The following KLHL8 variants were observed in gnomAD, a reference collection of about 807,000 sequenced individuals.
KLHL8 encodes kelch-like protein 8.
KLHL8 carries 38 observed loss-of-function variants against 63.5 expected under a neutral mutation model. The ratio of observed to expected loss-of-function variants is 0.60; its 90% CI spans 0.46 to 0.78. The LOEUF (loss-of-function observed/expected upper bound fraction) is 0.78, where lower values mean the gene tolerates loss of function less well. KLHL8 is among the 30% of genes least tolerant of loss of function. The pLI, the probability that KLHL8 is intolerant of heterozygous loss-of-function variation, is 0.00. For missense variants in KLHL8, 566 were observed against 752.4 expected (o/e 0.75, Z 2.90); for synonymous variants, 224 against 254.3 (o/e 0.88, Z 1.13).
intron 6 of KLHL8, 57 bp from the exon 7 acceptor site, chr4:87,170,672 C>A: frequency 1.3e-6 from 2 of 1,483,522 alleles, no homozygotes; most frequent in South Asian, 2.6e-5. Context: ...GAAAAAAAGT[C>A]ATATAAAAAA....
chr4:87,202,848 T>C (rs1034884927), intron 1 of KLHL8, among the ~76,000 whole-genome samples: 4 of 152,088 alleles, frequency 2.6e-5, no homozygotes, highest in African/African-American at 9.7e-5. Flanking sequence ...AAAACAAAGA[T>C]AGTACAGAAA....
chr4:87,207,391 A>G, intron 1 of KLHL8: 1 of 673,254 alleles, frequency 1.5e-6, no homozygotes, highest in South Asian at 1.5e-5. Context: ...TGGTGTTTTC[A>G]CCCCCATGGA....
intron 1 of KLHL8, among the ~76,000 whole-genome samples, chr4:87,231,878 G>A (rs4469030): frequency 0.15 from 23,305 of 152,128 alleles, 2,382 homozygotes; most frequent in East Asian, 0.44. Flanking sequence ...GATTATAGGC[G>A]TGAGCCACCA....
chr4:87,202,828 C>T (rs549778778), intron 1 of KLHL8, among the ~76,000 whole-genome samples: 38 of 152,280 alleles, frequency 2.5e-4, no homozygotes, highest in African/African-American at 8.9e-4. Context: ...AAACCTATGA[C>T]TCTGATACCA....
chr4:87,209,848 GTTTTTT>G (rs35717106), intron 1 of KLHL8, among the ~76,000 whole-genome samples: 1 of 105,384 alleles, frequency 9.5e-6, no homozygotes, highest in African/African-American at 3.3e-5. Context: ...TCCGTTTTGG[GTTTTTT>G]TTTTTTTTTT....
intron 1 of KLHL8, chr4:87,207,845 A>G: frequency 6.7e-7 from 1 of 1,490,038 alleles, no homozygotes; most frequent in South Asian, 1.1e-5. Context: ...AAACCTGCCA[A>G]ATATGATGAC....
rs1464868235 is a variant in KLHL8, at chr4:87,160,437, GAAAC to G, written c.*3078_*3081del. ...CATTCTTTAAGACATAGAGAAAAAA[GAAAC>G]AAAGAAAATTCTCAAGTTTACCATT... On this transcript the variant is annotated 3_prime_UTR_variant, in exon 10 of 10. Coordinates refer to ENST00000273963, the MANE Select transcript of KLHL8 (RefSeq NM_020803.5). 3 of 152,116 alleles carry G rather than the reference GAAAC, an allele frequency of 2.0e-5. No homozygotes were observed. Among genetic ancestry groups the G allele is most frequent in the East Asian group, 3.9e-4 (2 of 5,168 alleles). The allele number at this position is 152,116 out of a possible 1,614,324, so 9.4% of individuals were successfully genotyped here.
chr4:87,229,515 T>C (rs567502552), intron 1 of KLHL8, among the ~76,000 whole-genome samples: 2 of 148,210 alleles, frequency 1.3e-5, no homozygotes, highest in East Asian at 4.0e-4. Flanking sequence ...GCTCGCAACC[T>C]CTGCCTCCCG....
chr4:87,214,663 C>G (rs189335962), intron 1 of KLHL8, among the ~76,000 whole-genome samples: 62 of 151,994 alleles, frequency 4.1e-4, no homozygotes, highest in African/African-American at 1.5e-3. Context: ...GCTCTTATCA[C>G]TAGGCCAAAG....
At chr4:87,210,017 C>T (rs544983823) in intron 1 of KLHL8, among the ~76,000 whole-genome samples, 168 of 152,148 alleles carry the variant, frequency 1.1e-3, no homozygotes, top group African/African-American at 3.7e-3. Context: ...ACCTCCACAC[C>T]GGGCTAATTT....
At chr4:87,203,862 T>C (rs1464817145) in intron 1 of KLHL8, among the ~76,000 whole-genome samples, 1 of 151,970 alleles carries the variant, frequency 6.6e-6, no homozygotes, top group Admixed American at 6.6e-5. Flanking sequence ...AAAGACAAGC[T>C]TCAAATCAGG....
At chr4:87,208,347 G>A (rs1732242403) in intron 1 of KLHL8, among the ~76,000 whole-genome samples, 1 of 151,624 alleles carries the variant, frequency 6.6e-6, no homozygotes. Context: ...AGTCTAGTGA[G>A]TTGTCTTCTT....
At chr4:87,176,000 T>A (rs1392547723) in intron 6 of KLHL8, among the ~76,000 whole-genome samples, 2 of 152,226 alleles carry the variant, frequency 1.3e-5, no homozygotes, top group Non-Finnish European at 2.9e-5. Context: ...ATTATTCACC[T>A]GTATTAGATT....
rs780853680 is a variant in KLHL8 at position 87,185,595 on chromosome 4, A to C, written c.421T>G (p.Leu141Val). ...ACCTGCAGAATACAGGCTGCATATA[A>C]GAGAGGCTGGACATTGTCAACAGTC... is the stretch of plus-strand genomic sequence containing the variant. Reference protein sequence around the residue: ...TLTVDNVQPLLYAACILQVEL... With the variant: ...TLTVDNVQPLVYAACILQVEL... Residue 141 changes from leucine (L) to valine (V), a missense_variant, in exon 3 of 10, where the codon TTA (leucine) becomes GTA (valine). Leu to Val is a conservative substitution (Grantham distance 32). Transcript: ENST00000273963. 2.5e-6 allele frequency: 4 copies of C among 1,614,228 alleles called. No homozygotes were observed. The Admixed American group carries it at 6.7e-5, about 27-fold the overall frequency.
At chr4:87,168,094 T>C (rs190870311) in intron 8 of KLHL8, among the ~76,000 whole-genome samples, 16 of 152,252 alleles carry the variant, frequency 1.1e-4, no homozygotes, top group African/African-American at 3.9e-4. Flanking sequence ...ACCCTTTAGG[T>C]AGAACCATAG....
intron 7 of KLHL8, 38 bp from the exon 8 acceptor site, chr4:87,170,276 G>C: frequency 6.4e-7 from 1 of 1,571,822 alleles, no homozygotes; most frequent in South Asian, 1.2e-5. Context: ...ATTAGATTTC[G>C]AATTTATTTA....
At chr4:87,210,462 C>T (rs1272935199) in intron 1 of KLHL8, among the ~76,000 whole-genome samples, 1 of 151,892 alleles carries the variant, frequency 6.6e-6, no homozygotes, top group Non-Finnish European at 1.5e-5. Context: ...GCCTGGGCGA[C>T]AGAGCGAGAC....
At position 87,183,237 on chromosome 4, in the gene KLHL8, G is replaced by GTAT. The variant is rs780510755; in HGVS notation, c.915_917dup (p.Glu305_Tyr306insTer). On this transcript the variant is annotated stop_gained, in exon 4 of 10. Coordinates refer to ENST00000273963, the MANE Select transcript of KLHL8 (RefSeq NM_020803.5). LOFTEE classifies it high-confidence loss of function. ...GCTTCCTTGGGGTAGTCCGAATGGA[G>GTAT]TATTCAAAGTCAGGTACTGCTCTGC... 6.2e-7 allele frequency: 1 copy of GTAT among 1,611,628 alleles called. No individual in the cohort carries two copies. The highest frequency in any genetic ancestry group is 1.7e-5 in the Admixed American group (1 of 59,844).
At chr4:87,208,234 G>A in intron 1 of KLHL8, 1 of 301,858 alleles carries the variant, frequency 3.3e-6, no homozygotes, top group Non-Finnish European at 6.6e-6. Flanking sequence ...GAAGAGGGAG[G>A]GGCCCAGGAG....
Sources: gnomAD v4.1 joint callset for allele counts (sites outside exome capture counted in the v4.1 genomes callset) on GRCh38, gnomAD v4.1.1 for gene constraint, MANE v1.5 for transcripts, NCBI Gene and HGNC (gene_info 2026-07-23, HGNC 2026-07-21) for gene names.